The following STRN variants were observed in gnomAD, a reference collection of about 807,000 sequenced individuals.
STRN encodes striatin, also known as protein phosphatase 2 regulatory subunit B'''alpha.
Under a neutral mutation model 96.3 loss-of-function variants are expected in STRN, and 53 were observed. That is an observed-to-expected ratio of 0.55 (90% confidence interval 0.44 to 0.69). STRN has a LOEUF of 0.69. STRN is among the 30% of genes least tolerant of loss of function. STRN has a pLI of 0.00. For synonymous variants in STRN, 428 were observed against 355.9 expected, an observed-to-expected ratio of 1.20 and a Z score of -2.28; for missense variants, 987 against 963.9, an observed-to-expected ratio of 1.02 and a Z score of -0.32.
At chr2:36,963,787 T>C (rs1236656218) in intron 1 of STRN, among the ~76,000 whole-genome samples, 1 of 151,924 alleles carries the variant, frequency 6.6e-6, no homozygotes, top group Non-Finnish European at 1.5e-5. Context: ...TGAAACCCCG[T>C]CTCTACCAAA....
At chr2:36,857,813 G>A in intron 14 of STRN, 43 bp downstream of exon 14, 7 of 1,530,752 alleles carry the variant, frequency 4.6e-6, no homozygotes, top group Non-Finnish European at 6.3e-6. Context: ...AGAATAAACT[G>A]TTTTATAGAG....
At chr2:36,910,531 A>C (rs1669939172) in intron 3 of STRN, among the ~76,000 whole-genome samples, 2 of 152,218 alleles carry the variant, frequency 1.3e-5, no homozygotes, top group Admixed American at 1.3e-4. Context: ...TTATCACTTG[A>C]AGACAGACTG....
chr2:36,858,067 A>G (rs1445352594), intron 13 of STRN, 44 bp from the exon 14 acceptor site: 4 of 1,495,420 alleles, frequency 2.7e-6, no homozygotes. Flanking sequence ...AAAAACAACC[A>G]CAAAGGTACT....
Position 36,895,321 on chromosome 2 carries a change from C to T in STRN, c.796-1288G>A, listed in dbSNP as rs1295547519. On this transcript the variant is annotated intron_variant, in intron 6 of 17. Transcript: ENST00000263918. ...CAGCCTGGGCGACAGAGCAAGACTC[C>T]GTCTAAAAAAAAAAAAAACACAATT... Among the ~76,000 whole-genome samples the T allele has an allele frequency of 2.7e-5, 4 of 148,854 alleles. No homozygotes were observed. The East Asian group carries it at 5.9e-4, about 22-fold the overall frequency.
At chr2:36,904,909 G>C (rs1243370490) in intron 4 of STRN, among the ~76,000 whole-genome samples, 1 of 151,342 alleles carries the variant, frequency 6.6e-6, no homozygotes, top group Non-Finnish European at 1.5e-5. Context: ...AATTCAAAAA[G>C]TTCTCCAATT....
intron 10 of STRN, among the ~76,000 whole-genome samples, chr2:36,873,966 C>T (rs1467038735): frequency 7.2e-6 from 1 of 139,710 alleles, no homozygotes; most frequent in Non-Finnish European, 1.6e-5. Flanking sequence ...ATTCAAGAAG[C>T]AAAAACCAGC....
At chr2:36,889,603 T>C (rs963791934) in intron 7 of STRN, among the ~76,000 whole-genome samples, 1 of 134,430 alleles carries the variant, frequency 7.4e-6, no homozygotes, top group Non-Finnish European at 1.6e-5. Flanking sequence ...AACCTAAGCA[T>C]ATTCTTCTTT....
At chr2:36,940,468 A>C (rs1670817079) in intron 1 of STRN, among the ~76,000 whole-genome samples, 1 of 152,182 alleles carries the variant, frequency 6.6e-6, no homozygotes, top group African/African-American at 2.4e-5. Flanking sequence ...GGTGAAGCTG[A>C]GTAAAAGTTT....
intron 2 of STRN, among the ~76,000 whole-genome samples, chr2:36,920,805 G>A (rs187047932): frequency 2.6e-5 from 4 of 152,080 alleles, no homozygotes; most frequent in East Asian, 1.9e-4. Context: ...TGCCAGGCGC[G>A]GTGGCTCACG....
intron 3 of STRN, among the ~76,000 whole-genome samples, chr2:36,915,533 GAAGA>G (rs1474888826): frequency 1.3e-5 from 2 of 151,944 alleles, no homozygotes; most frequent in African/African-American, 4.8e-5. Flanking sequence ...AAAAGAAAAA[GAAGA>G]AATAATTCAA....
At chr2:36,862,531 G>A (rs1314477310) in intron 12 of STRN, among the ~76,000 whole-genome samples, 1 of 152,008 alleles carries the variant, frequency 6.6e-6, no homozygotes, top group Non-Finnish European at 1.5e-5. Flanking sequence ...CTGTCTGTTG[G>A]CCACATGTAT....
intron 5 of STRN, 140 bp from the exon 6 acceptor site, chr2:36,899,798 A>G: frequency 1.3e-6 from 1 of 795,264 alleles, no homozygotes; most frequent in Non-Finnish European, 1.9e-6. Flanking sequence ...ATTCTTATCA[A>G]TTACACTCTC....
At chr2:36,857,772 C>G in intron 14 of STRN, 84 bp downstream of exon 14, 1 of 1,171,694 alleles carries the variant, frequency 8.5e-7, no homozygotes, top group Non-Finnish European at 1.2e-6. Flanking sequence ...TTAAAGAGTT[C>G]AGGGAATCAT....
At chr2:36,945,696 A>G (rs1396993171) in intron 1 of STRN, among the ~76,000 whole-genome samples, 1 of 152,134 alleles carries the variant, frequency 6.6e-6, no homozygotes, top group Admixed American at 6.6e-5. Context: ...TAAAAATCCT[A>G]AATAAAATAT....
intron 1 of STRN, among the ~76,000 whole-genome samples, chr2:36,943,703 C>G (rs1670907262): frequency 6.6e-6 from 1 of 152,028 alleles, no homozygotes. Context: ...ACTGGGGAGG[C>G]TGAGGCAGGA....
rs541020514 is a variant in STRN, at chr2:36,868,562, G to C, written c.1500-701C>G. On this transcript the variant is annotated intron_variant, in intron 11 of 17. Coordinates refer to ENST00000263918, the MANE Select transcript of STRN (RefSeq NM_003162.4). Reference sequence around the variant, plus strand: ...CTACACTGTATCGCAGTTACGCATAGACATGTTATCTCACAATGTATAACC... The same window carrying C: ...CTACACTGTATCGCAGTTACGCATACACATGTTATCTCACAATGTATAACC... Among the ~76,000 whole-genome samples, 9 of 152,288 alleles carry C rather than the reference G, an allele frequency of 5.9e-5. No individual in the cohort carries two copies. In the South Asian group the frequency reaches 1.7e-3, roughly 28 times the overall value.
At chr2:36,958,471 T>C (rs1664948405) in intron 1 of STRN, among the ~76,000 whole-genome samples, 1 of 152,098 alleles carries the variant, frequency 6.6e-6, no homozygotes, top group African/African-American at 2.4e-5. Flanking sequence ...CCGAGCAGAT[T>C]TGAAAAGAAA....
At chr2:36,912,940 T>C (rs988806972) in intron 3 of STRN, among the ~76,000 whole-genome samples, 5 of 152,236 alleles carry the variant, frequency 3.3e-5, no homozygotes, top group African/African-American at 9.6e-5. Context: ...TGTGCTTGCC[T>C]TGGCAGCACA....
chr2:36,961,621 C>T (rs1383221559), intron 1 of STRN, among the ~76,000 whole-genome samples: 1 of 152,106 alleles, frequency 6.6e-6, no homozygotes, highest in East Asian at 1.9e-4. Context: ...TTAAAGTAGC[C>T]TCCTAACTAG....
Sources: allele counts gnomAD v4.1 joint callset (sites outside exome capture counted in the v4.1 genomes callset), GRCh38; gene constraint gnomAD v4.1.1; transcripts MANE v1.5; gene names NCBI Gene and HGNC (gene_info 2026-07-23, HGNC 2026-07-21).